Variants in B3GLCT observed in about 807,000 individuals in gnomAD.
The protein encoded by B3GLCT is beta 3-glucosyltransferase.
A neutral mutation model predicts 63.4 loss-of-function variants in B3GLCT; 65 were observed. The ratio of observed to expected loss-of-function variants is 1.03; its 90% CI spans 0.84 to 1.26. B3GLCT has a LOEUF of 1.26. Among genes scored for constraint, B3GLCT ranks in the 50% most tolerant of loss-of-function variants. The pLI, the probability that B3GLCT is intolerant of heterozygous loss-of-function variation, is 0.00. For missense variants in B3GLCT, 577 were observed against 604.8 expected, an observed-to-expected ratio of 0.95 and a Z score of 0.48; for synonymous variants, 233 against 219.2, an observed-to-expected ratio of 1.06 and a Z score of -0.55.
intron 6 of B3GLCT, among the ~76,000 whole-genome samples, 162 bp downstream of exon 6, chr13:31,248,128 T>G (rs1168295953): frequency 6.6e-6 from 1 of 152,230 alleles, no homozygotes; most frequent in Non-Finnish European, 1.5e-5. Context: ...GTAATGCTCT[T>G]TGAAGTTTGT....
At chr13:31,308,895 A>G (rs1026486798) in intron 12 of B3GLCT, among the ~76,000 whole-genome samples, 19 of 152,146 alleles carry the variant, frequency 1.2e-4, no homozygotes, top group African/African-American at 4.1e-4. Context: ...CTGAAATCTA[A>G]GTTTGGTGTA....
intron 14 of B3GLCT, 149 bp downstream of exon 14, chr13:31,324,044 G>A (rs1875479905): frequency 4.6e-6 from 5 of 1,083,286 alleles, no homozygotes; most frequent in Non-Finnish European, 7.0e-6. Context: ...AACCAGGACT[G>A]TTACCCTGTT....
intron 1 of B3GLCT, among the ~76,000 whole-genome samples, chr13:31,204,237 T>C (rs1440805766): frequency 2.0e-5 from 3 of 152,168 alleles, no homozygotes; most frequent in Non-Finnish European, 2.9e-5. Flanking sequence ...GGAACGTTTG[T>C]TGCTGTCTGG....
At chr13:31,254,008 C>A (rs969068461) in intron 6 of B3GLCT, among the ~76,000 whole-genome samples, 4 of 152,236 alleles carry the variant, frequency 2.6e-5, no homozygotes, top group Non-Finnish European at 5.9e-5. Flanking sequence ...AGACCAATAG[C>A]AAGTTCTGTA....
Position 31,317,593 on chromosome 13 carries a change from C to G in B3GLCT, c.1092C>G (p.Ser364Arg). The G allele has an allele frequency of 6.2e-7, 1 of 1,614,050 alleles. No individual in the cohort carries two copies. The highest frequency in any genetic ancestry group is 1.6e-4 in the Middle Eastern group (1 of 6,062). Residue 364 changes from serine (S) to arginine (R), a missense_variant, in exon 13 of 15, where the codon AGC (serine) becomes AGG (arginine). By Grantham distance (110) the Ser-to-Arg change is moderately radical. Coordinates refer to ENST00000343307, the MANE Select transcript of B3GLCT (RefSeq NM_194318.4). ...ISISRLQHLLSCYDSGEPVFL... is the reference protein window; with the variant it reads ...ISISRLQHLLRCYDSGEPVFL... ...TCTCCAGGCTCCAGCACTTGCTTAG[C>G]TGTTATGACTCCGGCGAGCCTGTGT... is the stretch of plus-strand genomic sequence containing the variant.
At position 31,332,127 on chromosome 13, in the gene B3GLCT, G is replaced by A. The variant is rs1313373080; in HGVS notation, c.*2459G>A. ...GGGTATGTAAATATCAGTGCTGTCT[G>A]CATTTCTGGGTTTATTGAAGACCTC... is the stretch of plus-strand genomic sequence containing the variant. On this transcript the variant is annotated 3_prime_UTR_variant, in exon 15 of 15. Transcript: ENST00000343307. 1.3e-5 allele frequency: 2 copies of A among 152,152 alleles called. No homozygotes were observed. The highest frequency in any genetic ancestry group is 1.5e-5 in the Non-Finnish European group (1 of 68,032). The allele number at this position is 152,152 out of a possible 1,614,324, so 9.4% of individuals were successfully genotyped here.
In B3GLCT at chr13:31,329,855, T is replaced by C. The variant is rs1875828456; in HGVS notation, c.*187T>C. 4.7e-6 allele frequency: 3 copies of C among 644,588 alleles called. No individual in the cohort carries two copies. The South Asian group carries it at 5.7e-5, about 12-fold the overall frequency. The allele number at this position is 644,588 out of a possible 1,614,324, so 39.9% of individuals were successfully genotyped here. A position where few individuals can be genotyped will look rare whatever the true frequency, so the allele number is the denominator to read the frequency against. On this transcript the variant is annotated 3_prime_UTR_variant, in exon 15 of 15. Transcript: ENST00000343307. Reference sequence around the variant, plus strand: ...AAAAGGGGTCACAGGAGAAACATTTTTTTTTCTGGGAAAAATCACTTGCTT... The same window carrying C: ...AAAAGGGGTCACAGGAGAAACATTTCTTTTTCTGGGAAAAATCACTTGCTT...
At chr13:31,252,397 T>C (rs1008552699) in intron 6 of B3GLCT, among the ~76,000 whole-genome samples, 2 of 152,180 alleles carry the variant, frequency 1.3e-5, no homozygotes, top group Non-Finnish European at 2.9e-5. Flanking sequence ...ATGGGCTAAA[T>C]GCTCCAGTTA....
At chr13:31,200,892 T>G (rs1868628333) in intron 1 of B3GLCT, among the ~76,000 whole-genome samples, 1 of 152,118 alleles carries the variant, frequency 6.6e-6, no homozygotes, top group South Asian at 2.1e-4. Context: ...AGGGGACACG[T>G]CTGCGAGCAG....
chr13:31,225,730 C>T (rs1379721671), intron 3 of B3GLCT, among the ~76,000 whole-genome samples: 4 of 152,172 alleles, frequency 2.6e-5, no homozygotes, highest in African/African-American at 9.7e-5. Flanking sequence ...TTTCACTGCT[C>T]CCTCTGTGGG....
intron 12 of B3GLCT, among the ~76,000 whole-genome samples, chr13:31,295,754 G>T (rs1039337658): frequency 6.6e-6 from 1 of 152,186 alleles, no homozygotes; most frequent in Non-Finnish European, 1.5e-5. Context: ...GCTGGGCTCC[G>T]TGGGGGTGGG....
intron 14 of B3GLCT, among the ~76,000 whole-genome samples, chr13:31,325,868 T>A (rs941445525): frequency 6.6e-6 from 1 of 152,228 alleles, no homozygotes; most frequent in Admixed American, 6.5e-5. Context: ...GGAAGCAGTC[T>A]CATATGCAAA....
chr13:31,207,188 G>A (rs1869003348), intron 1 of B3GLCT, among the ~76,000 whole-genome samples: 1 of 152,098 alleles, frequency 6.6e-6, no homozygotes, highest in African/African-American at 2.4e-5. Flanking sequence ...TTAATAAGAT[G>A]CCCAAAAGTT....
At chr13:31,315,079 C>T (rs1287397379) in intron 12 of B3GLCT, among the ~76,000 whole-genome samples, 1 of 152,198 alleles carries the variant, frequency 6.6e-6, no homozygotes, top group South Asian at 2.1e-4. Flanking sequence ...TTAAATTAAA[C>T]CTCGTTTGCT....
chr13:31,264,660 G>A (rs1484207323), intron 7 of B3GLCT, among the ~76,000 whole-genome samples: 1 of 152,136 alleles, frequency 6.6e-6, no homozygotes, highest in Non-Finnish European at 1.5e-5. Context: ...TTCTAGTGGG[G>A]ATTCTTATTT....
chr13:31,274,676 G>C (rs1257954819), intron 9 of B3GLCT, 48 bp downstream of exon 9: 2 of 1,606,004 alleles, frequency 1.2e-6, no homozygotes, highest in Admixed American at 1.7e-5. Flanking sequence ...GAAAAATTTA[G>C]ATGCTGTGCA....
intron 4 of B3GLCT, among the ~76,000 whole-genome samples, chr13:31,229,903 C>T (rs773471765): frequency 3.9e-4 from 59 of 150,154 alleles, no homozygotes; most frequent in Non-Finnish European, 8.1e-4. Flanking sequence ...AGATTTGTCA[C>T]GAAGTATGAT....
At chr13:31,226,198 C>G (rs374909352) in intron 3 of B3GLCT, among the ~76,000 whole-genome samples, 1 of 152,222 alleles carries the variant, frequency 6.6e-6, no homozygotes, top group Non-Finnish European at 1.5e-5. Context: ...CTCTGGCTTT[C>G]CACTTACTGC....
rs1186204729 is a variant in B3GLCT at position 31,310,763 on chromosome 13, A to G, written c.1065-6803A>G. ...CTCAGAGCTTAGGACTCCCTGAGCA[A>G]AAGGGTAACACCCCTTGGGGCTCCG... On this transcript the variant is annotated intron_variant, in intron 12 of 14. Transcript: ENST00000343307. 2.0e-5 allele frequency among the ~76,000 whole-genome samples: 3 copies of G among 152,214 alleles called. No homozygotes were observed. In the East Asian group the frequency reaches 5.8e-4, roughly 29 times the overall value.
Sources: gnomAD v4.1 joint callset for allele counts (sites outside exome capture counted in the v4.1 genomes callset) on GRCh38, gnomAD v4.1.1 for gene constraint, MANE v1.5 for transcripts, NCBI Gene and HGNC (gene_info 2026-07-23, HGNC 2026-07-21) for gene names.